Variants in SGMS1 observed in about 807,000 individuals in gnomAD.
SGMS1 encodes the protein sphingomyelin synthase 1.
Under a neutral mutation model 46.2 loss-of-function variants are expected in SGMS1, and 13 were observed. That is an observed-to-expected ratio of 0.28 (90% confidence interval 0.18 to 0.45). The LOEUF is 0.45. Ranked by LOEUF, SGMS1 falls within the 20% of genes least tolerant of loss-of-function variation. The probability of loss-of-function intolerance (pLI) is 1.00; values close to 1 mark genes in which losing one functional copy is unlikely to be tolerated. For missense variants in SGMS1, 324 were observed against 519.9 expected (o/e 0.62, Z 3.66); for synonymous variants, 203 against 187.8 (o/e 1.08, Z -0.66).
At chr10:50,336,602 C>A (rs547437379) in intron 7 of SGMS1, among the ~76,000 whole-genome samples, 2 of 152,276 alleles carry the variant, frequency 1.3e-5, no homozygotes, top group South Asian at 4.1e-4. Context: ...AAACTGAACT[C>A]ATTTGTTTTT....
At chr10:50,357,508 T>C (rs2574976) in intron 6 of SGMS1, among the ~76,000 whole-genome samples, 21,838 of 152,088 alleles carry the variant, frequency 0.14, 1,825 homozygotes, top group African/African-American at 0.22. Context: ...CACAAAATAC[T>C]GCAATGCAAC....
Position 50,545,059 on chromosome 10 carries a change from G to A in SGMS1, c.-588-25138C>T, listed in dbSNP as rs574411322. Among the ~76,000 whole-genome samples, 4 of 152,264 alleles carry A rather than the reference G, an allele frequency of 2.6e-5. No homozygotes were observed. The East Asian group carries it at 5.8e-4, about 22-fold the overall frequency. ...AAATGGTAGCACGTGTACAATAAAA[G>A]CAAGAAATGAGGACACAGTAGCTTT... On this transcript the variant is annotated intron_variant, in intron 2 of 10. Transcript: ENST00000361781.
At chr10:50,602,734 A>C (rs554595519) in intron 1 of SGMS1, among the ~76,000 whole-genome samples, 1 of 152,364 alleles carries the variant, frequency 6.6e-6, no homozygotes, top group East Asian at 1.9e-4. Flanking sequence ...ATATATATGC[A>C]TTTATTGTAT....
At chr10:50,563,766 A>AAC (rs1838263794) in intron 2 of SGMS1, among the ~76,000 whole-genome samples, 1 of 144,674 alleles carries the variant, frequency 6.9e-6, no homozygotes, top group East Asian at 2.2e-4. Context: ...AAAAAAAAAA[A>AAC]GAAACTCTTT....
chr10:50,427,579 C>T (rs1849346024), intron 6 of SGMS1, among the ~76,000 whole-genome samples: 1 of 152,134 alleles, frequency 6.6e-6, no homozygotes, highest in Non-Finnish European at 1.5e-5. Flanking sequence ...AGAAGGTAAG[C>T]TGAACTAACC....
chr10:50,421,562 C>A (rs1480598571), intron 6 of SGMS1, among the ~76,000 whole-genome samples: 1 of 152,178 alleles, frequency 6.6e-6, no homozygotes, highest in African/African-American at 2.4e-5. Flanking sequence ...CAAATTTAAA[C>A]TGACCACCTC....
At chr10:50,475,156 T>G (rs1837409114) in intron 3 of SGMS1, among the ~76,000 whole-genome samples, 1 of 152,194 alleles carries the variant, frequency 6.6e-6, no homozygotes, top group Non-Finnish European at 1.5e-5. Context: ...AAATAATTCT[T>G]GTCCATAGCA....
chr10:50,408,279 G>C (rs1589427568), intron 6 of SGMS1, among the ~76,000 whole-genome samples: 1 of 151,794 alleles, frequency 6.6e-6, no homozygotes. Context: ...AGAAATACTA[G>C]CCCTTTTATT....
chr10:50,468,326 C>T (rs1464023659), intron 3 of SGMS1, among the ~76,000 whole-genome samples: 2 of 151,996 alleles, frequency 1.3e-5, no homozygotes, highest in Admixed American at 6.6e-5. Flanking sequence ...AAAATGAAGC[C>T]TTATAATTAG....
chr10:50,530,070 A>T (rs1837939646), intron 2 of SGMS1, among the ~76,000 whole-genome samples: 1 of 152,182 alleles, frequency 6.6e-6, no homozygotes, highest in African/African-American at 2.4e-5. Flanking sequence ...TCATCATCCC[A>T]TCTCCTGAAA....
chr10:50,599,482 C>A (rs1200485983), intron 1 of SGMS1, among the ~76,000 whole-genome samples: 3 of 147,860 alleles, frequency 2.0e-5, no homozygotes, highest in African/African-American at 7.5e-5. Context: ...TTTTTTTTTA[C>A]TTGTCCTACT....
intron 1 of SGMS1, among the ~76,000 whole-genome samples, chr10:50,620,051 CA>C (rs1354778797): frequency 6.6e-6 from 1 of 152,192 alleles, no homozygotes; most frequent in Non-Finnish European, 1.5e-5. Flanking sequence ...GGGCCTGAGC[CA>C]AACTTATTCA....
chr10:50,356,083 G>T (rs1275462615), intron 6 of SGMS1, among the ~76,000 whole-genome samples: 2 of 152,216 alleles, frequency 1.3e-5, no homozygotes. Flanking sequence ...ATTGAGAACG[G>T]GCCATGATGA....
intron 1 of SGMS1, among the ~76,000 whole-genome samples, chr10:50,622,731 C>T (rs1263339506): frequency 6.6e-6 from 1 of 152,246 alleles, no homozygotes; most frequent in Non-Finnish European, 1.5e-5. Flanking sequence ...CCGGCCATGA[C>T]AACCCTTATC....
At chr10:50,355,498 C>T (rs898300768) in intron 6 of SGMS1, among the ~76,000 whole-genome samples, 2 of 152,242 alleles carry the variant, frequency 1.3e-5, no homozygotes, top group Non-Finnish European at 2.9e-5. Flanking sequence ...TGGTCTCCAG[C>T]TCCTGACTGC....
At chr10:50,426,685 ACAC>A (rs1307204430) in intron 6 of SGMS1, among the ~76,000 whole-genome samples, 1 of 45,278 alleles carries the variant, frequency 2.2e-5, no homozygotes, top group Non-Finnish European at 5.4e-5. Context: ...GAAACAGAAA[ACAC>A]CAGAATTCAA....
chr10:50,320,313 C>T (rs1458296682), intron 8 of SGMS1, among the ~76,000 whole-genome samples: 1 of 152,192 alleles, frequency 6.6e-6, no homozygotes, highest in Non-Finnish European at 1.5e-5. Context: ...CCACTCAGTA[C>T]CTATAAGACA....
chr10:50,431,323 T>A (rs1283064090), intron 6 of SGMS1, among the ~76,000 whole-genome samples: 1 of 152,196 alleles, frequency 6.6e-6, no homozygotes, highest in East Asian at 1.9e-4. Context: ...GAAATGAATG[T>A]TTTACAATTA....
At chr10:50,346,805 A>T (rs929601080) in intron 6 of SGMS1, among the ~76,000 whole-genome samples, 5 of 151,980 alleles carry the variant, frequency 3.3e-5, no homozygotes, top group Non-Finnish European at 7.4e-5. Context: ...GGTGCAAGTG[A>T]TTCTCCCAAC....
Sources: allele counts gnomAD v4.1 joint callset (sites outside exome capture counted in the v4.1 genomes callset), GRCh38; gene constraint gnomAD v4.1.1; transcripts MANE v1.5; gene names NCBI Gene and HGNC (gene_info 2026-07-23, HGNC 2026-07-21).